The following CDK14 variants were observed in gnomAD, a reference collection of about 807,000 sequenced individuals.
CDK14 encodes cyclin dependent kinase 14, also known as cyclin-dependent kinase 14.
Under a neutral mutation model 60.7 loss-of-function variants are expected in CDK14, and 34 were observed. That is an observed-to-expected ratio of 0.56 (90% CI 0.43 to 0.75). The LOEUF (loss-of-function observed/expected upper bound fraction) is 0.75. CDK14 is among the 30% of genes least tolerant of loss of function. CDK14 has a pLI of 0.00. For missense variants in CDK14, 482 were observed against 564.1 expected (o/e 0.85, Z 1.47); for synonymous variants, 197 against 203.7 (o/e 0.97, Z 0.28).
rs572877045 is a variant in CDK14, at chr7:90,674,036, C to T, written c.124-52531C>T. Among the ~76,000 whole-genome samples, 18 of 152,208 alleles carry T rather than the reference C, an allele frequency of 1.2e-4. No individual in the cohort carries two copies. In the South Asian group the frequency reaches 2.9e-3, roughly 25 times the overall value. On this transcript the variant is annotated intron_variant, in intron 2 of 14. Coordinates refer to ENST00000380050, the MANE Select transcript of CDK14 (RefSeq NM_001287135.2). ...GTATTATTATGGAAACACTATTTGA[C>T]GTTTGGGAGCTTAACTAAGTTGTCT...
intron 2 of CDK14, among the ~76,000 whole-genome samples, chr7:90,700,341 C>T (rs1801756421): frequency 6.6e-6 from 1 of 152,116 alleles, no homozygotes; most frequent in Non-Finnish European, 1.5e-5. Flanking sequence ...GTCCGGCCAC[C>T]TTGGCCTCCC....
intron 5 of CDK14, among the ~76,000 whole-genome samples, chr7:90,799,852 T>A (rs1249714919): frequency 6.6e-6 from 1 of 152,096 alleles, no homozygotes; most frequent in Non-Finnish European, 1.5e-5. Flanking sequence ...AAGTCAAGGT[T>A]AGCAAAAAAG....
chr7:90,863,233 T>C lies in CDK14; in HGVS notation c.603T>C (p.His201=). The C allele has an allele frequency of 6.2e-7, 1 of 1,608,868 alleles. No individual in the cohort carries two copies. The highest frequency in any genetic ancestry group is 8.5e-7 in the Non-Finnish European group (1 of 1,175,994). Residue 201 remains histidine (H), a synonymous_variant, in exon 6 of 15, where the codon CAT becomes CAC. Coordinates refer to ENST00000380050, the MANE Select transcript of CDK14 (RefSeq NM_001287135.2). ...TAGTGCTACTTCATGACATCATCCA[T>C]ACCAAGGAGACGCTGACACTTGTGT... ...ANIVLLHDII[H]TKETLTLVFE...
intron 14 of CDK14, among the ~76,000 whole-genome samples, chr7:91,179,114 A>T (rs1801895066): frequency 1.3e-5 from 2 of 152,206 alleles, no homozygotes; most frequent in Non-Finnish European, 2.9e-5. Flanking sequence ...ACACCATGGA[A>T]CAATGATAGA....
intron 7 of CDK14, among the ~76,000 whole-genome samples, chr7:90,900,393 A>G (rs1051894515): frequency 2.6e-5 from 4 of 152,168 alleles, no homozygotes; most frequent in African/African-American, 9.6e-5. Context: ...ATGTGTAACC[A>G]TTAACATATA....
intron 3 of CDK14, among the ~76,000 whole-genome samples, chr7:90,743,886 C>A (rs929978336): frequency 6.6e-6 from 1 of 151,866 alleles, no homozygotes; most frequent in Non-Finnish European, 1.5e-5. Flanking sequence ...TTCTTAATAG[C>A]ATATTGCTAG....
chr7:91,204,609 A>T (rs931035499), intron 14 of CDK14, among the ~76,000 whole-genome samples: 1 of 152,218 alleles, frequency 6.6e-6, no homozygotes, highest in Non-Finnish European at 1.5e-5. Flanking sequence ...ACTTGAATAG[A>T]CATTTCTCCA....
At chr7:90,919,984 C>T (rs770246325) in intron 8 of CDK14, among the ~76,000 whole-genome samples, 1 of 152,258 alleles carries the variant, frequency 6.6e-6, no homozygotes, top group African/African-American at 2.4e-5. Flanking sequence ...GCTTGGAACA[C>T]GCAGTTGGCA....
chr7:90,752,608 A>C (rs1228250584), intron 4 of CDK14, among the ~76,000 whole-genome samples: 1 of 152,160 alleles, frequency 6.6e-6, no homozygotes, highest in African/African-American at 2.4e-5. Context: ...GAACTAGAAA[A>C]ACAAGAACAA....
intron 2 of CDK14, among the ~76,000 whole-genome samples, chr7:90,627,006 A>G (rs902136484): frequency 2.6e-5 from 4 of 152,106 alleles, no homozygotes; most frequent in African/African-American, 4.8e-5. Context: ...GAAAAGTAAA[A>G]GAAACAGATA....
At chr7:91,067,961 A>C (rs986860802) in intron 11 of CDK14, among the ~76,000 whole-genome samples, 6 of 152,244 alleles carry the variant, frequency 3.9e-5, no homozygotes, top group Non-Finnish European at 8.8e-5. Context: ...GGATAGTACA[A>C]AGTTAAGGAA....
At chr7:90,704,488 T>C (rs887484807) in intron 2 of CDK14, among the ~76,000 whole-genome samples, 2 of 152,154 alleles carry the variant, frequency 1.3e-5, no homozygotes, top group Non-Finnish European at 2.9e-5. Flanking sequence ...TTTTTATTAG[T>C]GTTCTGGATG....
intron 6 of CDK14, among the ~76,000 whole-genome samples, chr7:90,877,827 C>G (rs1180011941): frequency 6.6e-6 from 1 of 152,028 alleles, no homozygotes; most frequent in East Asian, 1.9e-4. Flanking sequence ...TTAAAAAAAT[C>G]AGATTTTGGC....
intron 4 of CDK14, among the ~76,000 whole-genome samples, chr7:90,784,526 GTAAA>G (rs2116943889): frequency 6.6e-6 from 1 of 152,070 alleles, no homozygotes; most frequent in Non-Finnish European, 1.5e-5. Flanking sequence ...TATGTACCCT[GTAAA>G]TATGTACAAC....
intron 2 of CDK14, among the ~76,000 whole-genome samples, chr7:90,688,485 C>G (rs544244680): frequency 6.6e-6 from 1 of 152,100 alleles, no homozygotes; most frequent in South Asian, 2.1e-4. Context: ...AATAATTTCT[C>G]TTTTTTAAAA....
chr7:91,105,172 TAATCA>T (rs1362274686), intron 12 of CDK14, among the ~76,000 whole-genome samples: 1 of 152,122 alleles, frequency 6.6e-6, no homozygotes, highest in Non-Finnish European at 1.5e-5. Flanking sequence ...ACCAGAAGAA[TAATCA>T]AATGCTAAAG....
In CDK14 at chr7:90,717,419, G is replaced by A. The variant is rs142848224; in HGVS notation, c.124-9148G>A. On this transcript the variant is annotated intron_variant, in intron 2 of 14. Transcript: ENST00000380050. The stretch of plus-strand genomic sequence containing the variant: ...CAAGCATTGAAGTCCAGTAAGGGAT[G>A]TAACAAAACTACAGTCACTGAAGCA... Among the ~76,000 whole-genome samples, 10 of 152,218 alleles carry A rather than the reference G, an allele frequency of 6.6e-5. No homozygotes were observed. In the East Asian group the frequency reaches 1.2e-3, roughly 18 times the overall value.
At chr7:91,137,595 G>A (rs1800317696) in intron 14 of CDK14, among the ~76,000 whole-genome samples, 1 of 152,010 alleles carries the variant, frequency 6.6e-6, no homozygotes, top group African/African-American at 2.4e-5. Context: ...ACAGATTCAG[G>A]AAGTTAACTA....
chr7:90,873,696 C>T (rs897489207), intron 6 of CDK14, among the ~76,000 whole-genome samples: 5 of 152,186 alleles, frequency 3.3e-5, no homozygotes, highest in African/African-American at 4.8e-5. Flanking sequence ...TTACCTTCAA[C>T]TTTCCACTTT....
Sources: gnomAD v4.1 joint callset for allele counts (sites outside exome capture counted in the v4.1 genomes callset) on GRCh38, gnomAD v4.1.1 for gene constraint, MANE v1.5 for transcripts, NCBI Gene and HGNC (gene_info 2026-07-23, HGNC 2026-07-21) for gene names.